Variants in TNRC6B observed in about 807,000 individuals in gnomAD.
TNRC6B encodes trinucleotide repeat containing adaptor 6B.
TNRC6B carries 52 observed loss-of-function variants against 203.6 expected under a neutral mutation model. The observed-to-expected ratio is 0.26, with a 90% CI of 0.20 to 0.32. The LOEUF is 0.32. Among genes scored for constraint, TNRC6B ranks in the 10% least tolerant of loss-of-function variants. The pLI, the probability that TNRC6B is intolerant of heterozygous loss-of-function variation, is 1.00. For synonymous variants in TNRC6B, 838 were observed against 845.7 expected (o/e 0.99, Z 0.16); for missense variants, 1,923 against 2,286.2 (o/e 0.84, Z 3.24).
At chr22:40,255,214 C>A (rs2070253320) in intron 3 of TNRC6B, among the ~76,000 whole-genome samples, 1 of 152,188 alleles carries the variant, frequency 6.6e-6, no homozygotes, top group South Asian at 2.1e-4. Flanking sequence ...TCAGATAGCA[C>A]CAATGGTGAG....
rs562839900 is a variant in TNRC6B at position 40,177,947 on chromosome 22, A to C, written c.-189A>C. 5.0e-6 allele frequency: 7 copies of C among 1,402,344 alleles called. No individual in the cohort carries two copies. Among genetic ancestry groups the C allele is most frequent in the Non-Finnish European group, 6.5e-6 (7 of 1,083,016 alleles). 86.9% of individuals were successfully genotyped at this position (1,402,344 alleles called of 1,614,324 possible). A position where few individuals can be genotyped will look rare whatever the true frequency, so the allele number is the denominator to read the frequency against. The stretch of plus-strand genomic sequence containing the variant: ...TTTAGAGACAGAGAGGGAGAGAGAG[A>C]GCAAGAGGGAGAGTGTGTGAGAGAG... On this transcript the variant is annotated 5_prime_UTR_variant, in exon 1 of 23. Coordinates refer to ENST00000454349, the MANE Select transcript of TNRC6B (RefSeq NM_001162501.2).
intron 1 of TNRC6B, among the ~76,000 whole-genome samples, chr22:40,057,350 A>G (rs1232968423): frequency 2.0e-5 from 3 of 149,426 alleles, no homozygotes; most frequent in Admixed American, 6.7e-5. Context: ...CTGGAGTACA[A>G]TGGCACCATC....
At chr22:40,228,715 G>A (rs974122890) in intron 1 of TNRC6B, among the ~76,000 whole-genome samples, 2 of 151,292 alleles carry the variant, frequency 1.3e-5, no homozygotes, top group African/African-American at 4.9e-5. Context: ...TAGTAGGGAC[G>A]GCGTTTCACC....
intron 3 of TNRC6B, among the ~76,000 whole-genome samples, chr22:40,150,314 C>G (rs778975452): frequency 7.4e-4 from 113 of 152,116 alleles, no homozygotes; most frequent in Non-Finnish European, 1.3e-3. Flanking sequence ...GAAGGCAGAG[C>G]TTGCAGTGGG....
intron 10 of TNRC6B, 54 bp from the exon 11 acceptor site, chr22:40,281,065 G>T: frequency 7.1e-7 from 1 of 1,413,998 alleles, no homozygotes; most frequent in Non-Finnish European, 9.5e-7. Context: ...CTTGCATTCT[G>T]TTGCTTCACT....
At chr22:40,131,555 T>G (rs1960473292) in intron 3 of TNRC6B, among the ~76,000 whole-genome samples, 2 of 152,178 alleles carry the variant, frequency 1.3e-5, no homozygotes, top group Non-Finnish European at 2.9e-5. Context: ...CCTGATTAAT[T>G]CAGCACATAT....
chr22:40,307,971 C>T (rs180994621), intron 15 of TNRC6B, among the ~76,000 whole-genome samples: 1 of 152,186 alleles, frequency 6.6e-6, no homozygotes, highest in Non-Finnish European at 1.5e-5. Flanking sequence ...CACTTCATCC[C>T]AGAGTTAGCT....
intron 1 of TNRC6B, among the ~76,000 whole-genome samples, chr22:40,106,016 A>C (rs770369932): frequency 6.6e-6 from 1 of 152,202 alleles, no homozygotes; most frequent in Middle Eastern, 3.4e-3. Context: ...CATCAACCTT[A>C]CTTACTACTG....
intron 1 of TNRC6B, among the ~76,000 whole-genome samples, chr22:40,203,414 G>T (rs544129210): frequency 1.3e-5 from 2 of 151,982 alleles, no homozygotes; most frequent in East Asian, 3.9e-4. Flanking sequence ...TACTCCTTGC[G>T]TCTGCTTTAA....
At chr22:40,160,305 C>T (rs926479640) in intron 4 of TNRC6B, among the ~76,000 whole-genome samples, 58 of 152,016 alleles carry the variant, frequency 3.8e-4, no homozygotes, top group African/African-American at 1.3e-3. Context: ...GGAGAAACCC[C>T]GTCTCTACTA....
chr22:40,132,524 A>G (rs1371514020), intron 3 of TNRC6B, among the ~76,000 whole-genome samples: 1 of 151,300 alleles, frequency 6.6e-6, no homozygotes, highest in Non-Finnish European at 1.5e-5. Flanking sequence ...AGGGGCCTGT[A>G]GTCCCAGCTA....
rs749461748 is a variant in TNRC6B, at chr22:40,323,016, G to T, written c.5277G>T (p.Val1759=). The T allele has an allele frequency of 1.7e-5, 27 of 1,605,058 alleles. No individual in the cohort carries two copies. Among genetic ancestry groups the T allele is most frequent in the Non-Finnish European group, 3.4e-6 (4 of 1,175,580 alleles). ...CCGGCCAGAACCAGTCAGATCCCGT[G>T]GGACCTGCTCTGAATCTTTTTGGTG... The part of the protein sequence containing the change: ...LETGQNQSDP[V]GPALNLFGGS... The change falls in exon 23 of 23, where the codon GTG becomes GTT. Residue 1759 remains valine (V), a synonymous_variant. Coordinates refer to ENST00000454349, the MANE Select transcript of TNRC6B (RefSeq NM_001162501.2).
chr22:40,301,375 C>T, intron 15 of TNRC6B, 42 bp downstream of exon 15: 1 of 1,572,570 alleles, frequency 6.4e-7, no homozygotes, highest in Non-Finnish European at 8.6e-7. Flanking sequence ...AGAAATCTAC[C>T]TCTCTAGGCC....
chr22:40,262,657 T>G (rs538422329), intron 4 of TNRC6B, among the ~76,000 whole-genome samples: 1 of 152,328 alleles, frequency 6.6e-6, no homozygotes, highest in South Asian at 2.1e-4. Flanking sequence ...AAACTCAGTA[T>G]TTCTTTTTGT....
chr22:40,272,731 C>G (rs961231338), intron 6 of TNRC6B, among the ~76,000 whole-genome samples: 9 of 152,184 alleles, frequency 5.9e-5, no homozygotes, highest in African/African-American at 2.2e-4. Flanking sequence ...TTGGATTTCT[C>G]TCTGCTTTCC....
chr22:40,303,860 G>A (rs537363641), intron 15 of TNRC6B, among the ~76,000 whole-genome samples: 2 of 152,338 alleles, frequency 1.3e-5, no homozygotes, highest in South Asian at 4.1e-4. Flanking sequence ...GCAGTGAGCT[G>A]AGATCATGCC....
intron 7 of TNRC6B, among the ~76,000 whole-genome samples, chr22:40,276,410 A>C (rs890555970): frequency 6.6e-6 from 1 of 151,966 alleles, no homozygotes; most frequent in Non-Finnish European, 1.5e-5. Context: ...ACAAAGCCCC[A>C]GCCCACCCAG....
intron 4 of TNRC6B, chr22:40,156,274 A>T (rs1400426616): frequency 2.3e-6 from 3 of 1,305,186 alleles, no homozygotes; most frequent in African/African-American, 1.5e-5. Flanking sequence ...TCAGAGATGT[A>T]TACGTTGGAG....
At chr22:40,121,429 TGTCTAAAA>T (rs2068444651) in intron 2 of TNRC6B, among the ~76,000 whole-genome samples, 2 of 152,252 alleles carry the variant, frequency 1.3e-5, no homozygotes, top group South Asian at 4.1e-4. Flanking sequence ...CACTTTCTGA[TGTCTAAAA>T]GGCCTGTAGG....
Sources: gnomAD v4.1 joint callset for allele counts (sites outside exome capture counted in the v4.1 genomes callset) on GRCh38, gnomAD v4.1.1 for gene constraint, MANE v1.5 for transcripts, NCBI Gene and HGNC (gene_info 2026-07-23, HGNC 2026-07-21) for gene names.